Variants in ADAMTSL1 observed in about 807,000 individuals in gnomAD.
ADAMTSL1 encodes ADAMTS like 1.
A neutral mutation model predicts 201.8 loss-of-function variants in ADAMTSL1; 126 were observed. The observed-to-expected ratio is 0.62, with a 90% CI of 0.54 to 0.72. The LOEUF is 0.72. Among genes scored for constraint, ADAMTSL1 ranks in the 30% least tolerant of loss-of-function variants. The probability of loss-of-function intolerance (pLI) is 0.00; values close to 1 mark genes in which losing one functional copy is unlikely to be tolerated. For missense variants in ADAMTSL1, 2,679 were observed against 2,277.8 expected (o/e 1.18, Z -3.59); for synonymous variants, 1,121 against 903.4 (o/e 1.24, Z -4.32).
chr9:18,857,318 C>T (rs1826921499), intron 23 of ADAMTSL1, among the ~76,000 whole-genome samples: 1 of 152,190 alleles, frequency 6.6e-6, no homozygotes, highest in South Asian at 2.1e-4. Flanking sequence ...AGAATTCCTC[C>T]CCAAATCACA....
At position 17,980,144 on chromosome 9, in the gene ADAMTSL1, A is replaced by G. The variant is rs559208397; in HGVS notation, c.87+73222A>G. ...TGGGTAGTGTGAAACTGTTCTTTCT[A>G]CTTCTTAAATGAGTATTTTCTTAGT... On this transcript the variant is annotated intron_variant, in intron 1 of 29. Transcript: ENST00000680146. Among the ~76,000 whole-genome samples, 4 of 152,190 alleles carry G rather than the reference A, an allele frequency of 2.6e-5. No homozygotes were observed. The East Asian group carries it at 7.7e-4, about 29-fold the overall frequency.
chr9:18,630,274 G>C (rs1826671207), intron 5 of ADAMTSL1, among the ~76,000 whole-genome samples: 1 of 152,182 alleles, frequency 6.6e-6, no homozygotes, highest in South Asian at 2.1e-4. Flanking sequence ...TTGTCACTTT[G>C]GCTGATGGGA....
intron 3 of ADAMTSL1, among the ~76,000 whole-genome samples, chr9:18,549,446 T>C (rs960702321): frequency 2.0e-5 from 3 of 152,038 alleles, no homozygotes; most frequent in Middle Eastern, 3.2e-3. Context: ...CCATGGACTT[T>C]CACTAACATA....
intron 23 of ADAMTSL1, among the ~76,000 whole-genome samples, chr9:18,839,262 C>G (rs1825554446): frequency 6.7e-6 from 1 of 148,426 alleles, no homozygotes; most frequent in Non-Finnish European, 1.5e-5. Flanking sequence ...CAATTCCCAC[C>G]TATGAGTGAG....
rs1322803257 is a variant in ADAMTSL1 at position 18,523,885 on chromosome 9, A to C, written c.192-9362A>C. Among the ~76,000 whole-genome samples the C allele has an allele frequency of 4.5e-3, 604 of 135,132 alleles. 4 individuals carry two copies. Among genetic ancestry groups the C allele is most frequent in the African/African-American group, 0.016 (568 of 35,994 alleles). The allele number at this position is 135,132 out of a possible 152,430, so 88.7% of individuals were successfully genotyped here. The stretch of plus-strand genomic sequence containing the variant: ...TGAAGTCAGGTAGCGTGATGCCTCC[A>C]GCTTTGTTCGTTTGGCTTAGGATTG... On this transcript the variant is annotated intron_variant, in intron 2 of 28. Coordinates refer to ENST00000380548, the MANE Select transcript of ADAMTSL1 (RefSeq NM_001040272.6).
At chr9:18,496,917 G>A (rs1256841326) in intron 1 of ADAMTSL1, among the ~76,000 whole-genome samples, 1 of 152,178 alleles carries the variant, frequency 6.6e-6, no homozygotes, top group Non-Finnish European at 1.5e-5. Flanking sequence ...CTTCTAACTG[G>A]CTCACCAGGA....
chr9:17,940,132 C>G (rs1269311484), intron 1 of ADAMTSL1, among the ~76,000 whole-genome samples: 4 of 152,102 alleles, frequency 2.6e-5, no homozygotes, highest in Non-Finnish European at 4.4e-5. Context: ...GATTCGTGAC[C>G]ACTCTGAATC....
At chr9:18,237,433 T>C (rs1443400630) in intron 2 of ADAMTSL1, among the ~76,000 whole-genome samples, 5 of 152,244 alleles carry the variant, frequency 3.3e-5, no homozygotes, top group Non-Finnish European at 7.3e-5. Flanking sequence ...TGTTCTCATA[T>C]TCCGTGCTCT....
intron 1 of ADAMTSL1, among the ~76,000 whole-genome samples, chr9:17,977,657 T>A (rs1056703761): frequency 4.6e-5 from 7 of 152,086 alleles, no homozygotes; most frequent in Non-Finnish European, 1.0e-4. Context: ...TCTTCTTTTA[T>A]TTATGATTTT....
At chr9:18,679,451 C>G (rs1423766589) in intron 10 of ADAMTSL1, among the ~76,000 whole-genome samples, 1 of 152,056 alleles carries the variant, frequency 6.6e-6, no homozygotes, top group Non-Finnish European at 1.5e-5. Context: ...AGATATCTCT[C>G]TGCATCTGGG....
chr9:18,592,282 C>G (rs936562728), intron 4 of ADAMTSL1, among the ~76,000 whole-genome samples: 1 of 152,112 alleles, frequency 6.6e-6, no homozygotes, highest in African/African-American at 2.4e-5. Flanking sequence ...ATCCATTTTT[C>G]ATCACACATC....
At chr9:18,692,280 C>A (rs1214805284) in intron 13 of ADAMTSL1, among the ~76,000 whole-genome samples, 1 of 152,204 alleles carries the variant, frequency 6.6e-6, no homozygotes, top group East Asian at 1.9e-4. Flanking sequence ...CCTCTCTCTA[C>A]TCTGAGTTAA....
chr9:18,276,959 T>G (rs968862034), intron 2 of ADAMTSL1, among the ~76,000 whole-genome samples: 3 of 152,322 alleles, frequency 2.0e-5, no homozygotes, highest in African/African-American at 7.2e-5. Context: ...TCCAGTTTTG[T>G]TGGTCTCAAG....
intron 2 of ADAMTSL1, among the ~76,000 whole-genome samples, chr9:18,516,087 C>CA (rs11418722): frequency 0.41 from 53,956 of 131,044 alleles, 11,276 homozygotes; most frequent in East Asian, 0.74. Context: ...CCTCAACTAC[C>CA]AAAAAAAAAA....
chr9:18,136,204 A>T (rs969923461), intron 1 of ADAMTSL1, among the ~76,000 whole-genome samples: 2 of 152,178 alleles, frequency 1.3e-5, no homozygotes, highest in Admixed American at 6.6e-5. Flanking sequence ...GAAGCTTATT[A>T]AAAAATAAAT....
At chr9:17,983,305 G>C (rs1818797432) in intron 1 of ADAMTSL1, among the ~76,000 whole-genome samples, 1 of 151,936 alleles carries the variant, frequency 6.6e-6, no homozygotes, top group Non-Finnish European at 1.5e-5. Flanking sequence ...TGTTGACTTT[G>C]TGATCTGCCC....
At chr9:18,779,113 C>T (rs1588095041) in intron 19 of ADAMTSL1, among the ~76,000 whole-genome samples, 1 of 152,330 alleles carries the variant, frequency 6.6e-6, no homozygotes, top group East Asian at 1.9e-4. Flanking sequence ...ACATGATTGA[C>T]ATTATCCTCC....
intron 1 of ADAMTSL1, among the ~76,000 whole-genome samples, chr9:18,038,770 A>G (rs1241483350): frequency 6.6e-6 from 1 of 152,212 alleles, no homozygotes; most frequent in African/African-American, 2.4e-5. Flanking sequence ...ATGAGCATAA[A>G]GCATCTAACA....
intron 1 of ADAMTSL1, among the ~76,000 whole-genome samples, chr9:18,491,642 A>C (rs1016847763): frequency 6.6e-6 from 1 of 152,220 alleles, no homozygotes; most frequent in Non-Finnish European, 1.5e-5. Context: ...TTTAATTTAT[A>C]AATTAGAAGA....
Sources: allele counts gnomAD v4.1 joint callset (sites outside exome capture counted in the v4.1 genomes callset), GRCh38; gene constraint gnomAD v4.1.1; transcripts MANE v1.5; gene names NCBI Gene and HGNC (gene_info 2026-07-23, HGNC 2026-07-21).